The following ESR1 variants were observed in gnomAD, a reference collection of about 807,000 sequenced individuals.
ESR1 encodes the protein estrogen receptor.
A neutral mutation model predicts 52.7 loss-of-function variants in ESR1; 12 were observed. The observed-to-expected ratio is 0.23, with a 90% CI of 0.15 to 0.37. ESR1 has a LOEUF of 0.37. Ranked by LOEUF, ESR1 falls within the 10% of genes least tolerant of loss-of-function variation. The pLI is 1.00. For missense variants in ESR1, 584 were observed against 779.7 expected, an observed-to-expected ratio of 0.75 and a Z score of 2.99; for synonymous variants, 305 against 316.8, an observed-to-expected ratio of 0.96 and a Z score of 0.39.
At chr6:151,796,005 AC>A (rs58582110) in intron 2 of ESR1, among the ~76,000 whole-genome samples, 6 of 145,670 alleles carry the variant, frequency 4.1e-5, no homozygotes, top group South Asian at 4.4e-4. Flanking sequence ...AAAAAAAAAA[AC>A]CAAAACACAA....
At chr6:151,895,635 G>A (rs919886531) in intron 3 of ESR1, among the ~76,000 whole-genome samples, 26 of 152,128 alleles carry the variant, frequency 1.7e-4, no homozygotes, top group Admixed American at 5.2e-4. Context: ...TATCTATTGC[G>A]ATTATTGCGA....
intron 2 of ESR1, among the ~76,000 whole-genome samples, chr6:151,850,384 A>G (rs1350359908): frequency 2.1e-5 from 3 of 144,802 alleles, no homozygotes; most frequent in African/African-American, 7.5e-5. Flanking sequence ...ATATGATAAC[A>G]GAGAGAGAGA....
intron 5 of ESR1, among the ~76,000 whole-genome samples, chr6:152,049,301 G>A (rs2046478834): frequency 6.6e-6 from 1 of 152,174 alleles, no homozygotes; most frequent in Non-Finnish European, 1.5e-5. Context: ...TAAGAAAAGA[G>A]GACATGTTAA....
chr6:151,722,205 A>T (rs572384908), intron 2 of ESR1, among the ~76,000 whole-genome samples: 116 of 152,306 alleles, frequency 7.6e-4, no homozygotes, highest in African/African-American at 2.6e-3. Context: ...GGTGCCTGGG[A>T]GGAGTGAAGG....
chr6:151,715,338 A>G (rs1187559238), intron 2 of ESR1, among the ~76,000 whole-genome samples: 2 of 152,142 alleles, frequency 1.3e-5, no homozygotes, highest in African/African-American at 2.4e-5. Context: ...TCTCGAGAGT[A>G]TCTTTGTGAT....
At chr6:151,850,361 A>T (rs1202186492) in intron 2 of ESR1, among the ~76,000 whole-genome samples, 1 of 150,536 alleles carries the variant, frequency 6.6e-6, no homozygotes, top group Non-Finnish European at 1.5e-5. Flanking sequence ...ACAAACACAG[A>T]GAAGAGAATG....
chr6:152,035,853 A>T (rs1290210895), intron 5 of ESR1, among the ~76,000 whole-genome samples: 1 of 152,186 alleles, frequency 6.6e-6, no homozygotes, highest in African/African-American at 2.4e-5. Context: ...CACAATTGAT[A>T]TCTACATAGA....
chr6:151,782,454 T>G (rs143123113), intron 2 of ESR1, among the ~76,000 whole-genome samples: 1 of 152,322 alleles, frequency 6.6e-6, no homozygotes, highest in African/African-American at 2.4e-5. Context: ...GTGTTTGGGT[T>G]TTTTAAGTTT....
intron 6 of ESR1, chr6:152,121,925 GAAAACAAGGTA>G (rs1428708028): frequency 6.2e-6 from 1 of 160,498 alleles, no homozygotes; most frequent in African/African-American, 2.4e-5. Flanking sequence ...TGCCCCAAAG[GAAAACAAGGTA>G]AAAAGGAAGC....
intron 1 of ESR1, among the ~76,000 whole-genome samples, chr6:151,827,100 G>A (rs116159265): frequency 2.7e-3 from 418 of 152,118 alleles, no homozygotes; most frequent in Middle Eastern, 0.014. Flanking sequence ...GAGGCAGATG[G>A]GTCACCTGAG....
chr6:151,796,133 G>T (rs913305374), intron 2 of ESR1, among the ~76,000 whole-genome samples: 7 of 149,924 alleles, frequency 4.7e-5, no homozygotes, highest in African/African-American at 1.7e-4. Flanking sequence ...GCCACTGCAC[G>T]CCAGCCTGGG....
At chr6:151,748,369 T>A (rs970839879) in intron 2 of ESR1, among the ~76,000 whole-genome samples, 3 of 152,236 alleles carry the variant, frequency 2.0e-5, no homozygotes, top group Non-Finnish European at 4.4e-5. Flanking sequence ...TATCATTCTT[T>A]ATCACTTAAT....
upstream of ESR1, among the ~76,000 whole-genome samples, chr6:151,686,507 A>G (rs58940669): frequency 5.1e-3 from 781 of 152,282 alleles, 5 homozygotes; most frequent in African/African-American, 0.018. Context: ...AACATGGTGA[A>G]ACCCCGTCTC....
chr6:151,730,908 G>A (rs6899458), intron 2 of ESR1, among the ~76,000 whole-genome samples: 33,360 of 152,094 alleles, frequency 0.22, 3,844 homozygotes, highest in Non-Finnish European at 0.24. Flanking sequence ...GTCTAGCCAA[G>A]CTGCTGTTAG....
chr6:152,121,452 C>T (rs1250355154), intron 6 of ESR1, among the ~76,000 whole-genome samples: 2 of 152,042 alleles, frequency 1.3e-5, no homozygotes, highest in African/African-American at 4.8e-5. Context: ...TTTCCGGAAA[C>T]AAGAATTCAG....
At chr6:151,981,569 A>G (rs967935674) in intron 4 of ESR1, among the ~76,000 whole-genome samples, 1 of 152,228 alleles carries the variant, frequency 6.6e-6, no homozygotes, top group Non-Finnish European at 1.5e-5. Context: ...ACAAATCCAC[A>G]TTTAAACATA....
At chr6:151,848,881 A>G (rs1414404430) in intron 2 of ESR1, among the ~76,000 whole-genome samples, 1 of 152,164 alleles carries the variant, frequency 6.6e-6, no homozygotes, top group African/African-American at 2.4e-5. Flanking sequence ...AGCTGAAAAC[A>G]TTCGACATAT....
At chr6:151,709,320 T>C (rs1419017209) in intron 2 of ESR1, among the ~76,000 whole-genome samples, 1 of 152,232 alleles carries the variant, frequency 6.6e-6, no homozygotes, top group Non-Finnish European at 1.5e-5. Flanking sequence ...TTTTTCTCTT[T>C]TTTTAAGGCT....
At chr6:151,844,782 C>T (rs543053402) in intron 2 of ESR1, among the ~76,000 whole-genome samples, 1 of 151,754 alleles carries the variant, frequency 6.6e-6, no homozygotes, top group Non-Finnish European at 1.5e-5. Context: ...TTACTCTATA[C>T]CTGATTAGAT....
Sources: allele counts gnomAD v4.1 joint callset (sites outside exome capture counted in the v4.1 genomes callset), GRCh38; gene constraint gnomAD v4.1.1; transcripts MANE v1.5; gene names NCBI Gene and HGNC (gene_info 2026-07-23, HGNC 2026-07-21).